The following MAGI3 variants were observed in gnomAD, a reference collection of about 807,000 sequenced individuals.
MAGI3 encodes the protein membrane associated guanylate kinase, WW and PDZ domain containing 3.
Under a neutral mutation model 121.8 loss-of-function variants are expected in MAGI3, and 43 were observed. The ratio of observed to expected loss-of-function variants is 0.35; its 90% CI spans 0.28 to 0.46. MAGI3 has a LOEUF of 0.46. Ranked by LOEUF, MAGI3 falls within the 20% of genes least tolerant of loss-of-function variation. The probability of loss-of-function intolerance (pLI) is 1.00; values close to 1 mark genes in which losing one functional copy is unlikely to be tolerated. For missense variants in MAGI3, 1,547 were observed against 1,797.3 expected, an observed-to-expected ratio of 0.86 and a Z score of 2.52; for synonymous variants, 553 against 639.3, an observed-to-expected ratio of 0.86 and a Z score of 2.04.
intron 6 of MAGI3, among the ~76,000 whole-genome samples, chr1:113,606,797 TCTA>T (rs1451770922): frequency 6.6e-6 from 1 of 152,216 alleles, no homozygotes; most frequent in Non-Finnish European, 1.5e-5. Context: ...CTCTTCTTGC[TCTA>T]CTTCCTGATT....
intron 9 of MAGI3, among the ~76,000 whole-genome samples, chr1:113,627,940 A>G (rs533533650): frequency 7.2e-5 from 11 of 152,054 alleles, no homozygotes; most frequent in Admixed American, 2.0e-4. Flanking sequence ...CTTCTAGGCA[A>G]TAGATCATCA....
intron 1 of MAGI3, among the ~76,000 whole-genome samples, chr1:113,478,112 C>G (rs1655933152): frequency 6.6e-6 from 1 of 152,110 alleles, no homozygotes; most frequent in African/African-American, 2.4e-5. Flanking sequence ...ACTGTTTATT[C>G]TAGTTAGCCA....
At position 113,683,046 on chromosome 1, in the gene MAGI3, G is replaced by A; in HGVS notation, c.3478G>A (p.Ala1160Thr). 2 of 1,613,836 alleles carry A rather than the reference G, an allele frequency of 1.2e-6. No individual in the cohort carries two copies. Among genetic ancestry groups the A allele is most frequent in the Non-Finnish European group, 1.7e-6 (2 of 1,179,856 alleles). ...ESLRVQICEK[A>T]EELKDIVPEK... ...TTTGAGAGTTCAGATATGTGAAAAG[G>A]CAGAAGAATTAAAGGACATTGTGCC... Residue 1160 changes from alanine (A) to threonine (T), a missense_variant, in exon 21 of 21, where the codon GCA becomes ACA. Transcript: ENST00000307546.
chr1:113,442,503 C>CA (rs1300400936), intron 1 of MAGI3, among the ~76,000 whole-genome samples: 1 of 150,578 alleles, frequency 6.6e-6, no homozygotes, highest in African/African-American at 2.4e-5. Flanking sequence ...AGGTCACTTG[C>CA]AAAAAAAATT....
At chr1:113,427,104 A>G (rs1421278097) in intron 1 of MAGI3, among the ~76,000 whole-genome samples, 1 of 152,148 alleles carries the variant, frequency 6.6e-6, no homozygotes, top group Non-Finnish European at 1.5e-5. Context: ...GATTTCAATG[A>G]TGTTTAAGTC....
At chr1:113,639,462 C>G (rs1652303164) in intron 9 of MAGI3, among the ~76,000 whole-genome samples, 1 of 152,138 alleles carries the variant, frequency 6.6e-6, no homozygotes, top group Non-Finnish European at 1.5e-5. Flanking sequence ...AGTGCGATGG[C>G]AGAATCTCGG....
intron 1 of MAGI3, among the ~76,000 whole-genome samples, chr1:113,407,294 G>A (rs1039790269): frequency 4.6e-5 from 7 of 152,074 alleles, no homozygotes; most frequent in African/African-American, 1.7e-4. Flanking sequence ...GTGAAATGAA[G>A]TGGATAGATT....
intron 9 of MAGI3, among the ~76,000 whole-genome samples, chr1:113,639,142 T>C (rs1468322883): frequency 6.6e-6 from 1 of 152,224 alleles, no homozygotes; most frequent in East Asian, 1.9e-4. Context: ...CTGTCACCCC[T>C]TTCTTTGACT....
chr1:113,448,479 C>T (rs563017057), intron 1 of MAGI3, among the ~76,000 whole-genome samples: 4 of 152,196 alleles, frequency 2.6e-5, no homozygotes, highest in Non-Finnish European at 5.9e-5. Context: ...ATATTGGATA[C>T]GAAATGTTTT....
At chr1:113,404,983 T>A (rs1570623695) in intron 1 of MAGI3, among the ~76,000 whole-genome samples, 1 of 152,152 alleles carries the variant, frequency 6.6e-6, no homozygotes, top group Non-Finnish European at 1.5e-5. Flanking sequence ...ACTTTTAATT[T>A]TGTTTATTTA....
At chr1:113,546,371 CTG>C (rs1298373078) in intron 1 of MAGI3, among the ~76,000 whole-genome samples, 1 of 152,160 alleles carries the variant, frequency 6.6e-6, no homozygotes, top group Non-Finnish European at 1.5e-5. Context: ...GAGTCCCACT[CTG>C]TTGCCCAGGC....
At chr1:113,553,343 A>G (rs1252790915) in intron 2 of MAGI3, among the ~76,000 whole-genome samples, 2 of 152,150 alleles carry the variant, frequency 1.3e-5, no homozygotes, top group African/African-American at 4.8e-5. Context: ...CACAGAGGAG[A>G]GGGCTATGAA....
intron 1 of MAGI3, among the ~76,000 whole-genome samples, chr1:113,428,480 C>T: frequency 6.6e-6 from 1 of 152,124 alleles, no homozygotes; most frequent in Middle Eastern, 3.2e-3. Context: ...ATACCAGTGG[C>T]AACTGGTCCA....
In MAGI3 at chr1:113,640,772, G is replaced by T. The variant is rs193035935; in HGVS notation, c.1361-1139G>T. Among the ~76,000 whole-genome samples, 440 of 151,338 alleles carry T rather than the reference G, an allele frequency of 2.9e-3. 1 individual carries two copies. Among genetic ancestry groups the T allele is most frequent in the Non-Finnish European group, 4.6e-3 (310 of 67,944 alleles). Reference sequence around the variant, plus strand: ...GAGAGCATTAGGACAAATAACTAATGCATGTGGGGCTTAAAACCTAGATGA... The same window carrying T: ...GAGAGCATTAGGACAAATAACTAATTCATGTGGGGCTTAAAACCTAGATGA... On this transcript the variant is annotated intron_variant, in intron 9 of 20. Coordinates refer to ENST00000307546, the MANE Select transcript of MAGI3 (RefSeq NM_001142782.2).
At chr1:113,643,160 A>C (rs1652645078) in intron 10 of MAGI3, among the ~76,000 whole-genome samples, 4 of 152,252 alleles carry the variant, frequency 2.6e-5, no homozygotes, top group African/African-American at 9.6e-5. Context: ...CCAAGGAATA[A>C]TCACAAAGTT....
chr1:113,601,436 G>C (rs1337080876), intron 6 of MAGI3, among the ~76,000 whole-genome samples: 2 of 149,548 alleles, frequency 1.3e-5, no homozygotes, highest in Non-Finnish European at 3.0e-5. Flanking sequence ...CTTCTCAAAA[G>C]AAGACATTTA....
chr1:113,672,556 C>T (rs1647620846), intron 17 of MAGI3, 59 bp from the exon 18 acceptor site: 1 of 1,563,458 alleles, frequency 6.4e-7, no homozygotes, highest in Admixed American at 1.9e-5. Context: ...ATTAATCTGC[C>T]TTTAGACTGT....
At chr1:113,564,348 G>C (rs1557825711) in intron 2 of MAGI3, among the ~76,000 whole-genome samples, 1 of 152,132 alleles carries the variant, frequency 6.6e-6, no homozygotes, top group Non-Finnish European at 1.5e-5. Flanking sequence ...CCAGTACCTT[G>C]AGAGCCCAAA....
chr1:113,666,532 T>C (rs1278125003), intron 16 of MAGI3, among the ~76,000 whole-genome samples: 1 of 152,216 alleles, frequency 6.6e-6, no homozygotes, highest in African/African-American at 2.4e-5. Context: ...CAGGCTCTAC[T>C]TCTAATTCTG....
Sources: gnomAD v4.1 joint callset for allele counts (sites outside exome capture counted in the v4.1 genomes callset) on GRCh38, gnomAD v4.1.1 for gene constraint, MANE v1.5 for transcripts, NCBI Gene and HGNC (gene_info 2026-07-23, HGNC 2026-07-21) for gene names.